PCDH7: variants seen among roughly 807,000 people sequenced by gnomAD.
PCDH7 encodes protocadherin 7, also known as protocadherin-7.
A neutral mutation model predicts 58.9 loss-of-function variants in PCDH7; 17 were observed. That is an observed-to-expected ratio of 0.29 (90% CI 0.20 to 0.43). The LOEUF (loss-of-function observed/expected upper bound fraction) is 0.43. Among genes scored for constraint, PCDH7 ranks in the 20% least tolerant of loss-of-function variants. The probability of loss-of-function intolerance (pLI) is 1.00; values close to 1 mark genes in which losing one functional copy is unlikely to be tolerated. For synonymous variants in PCDH7, 664 were observed against 616.4 expected (o/e 1.08, Z -1.14); for missense variants, 1,274 against 1,441.0 (o/e 0.88, Z 1.88).
chr4:30,723,220 G>A lies in PCDH7; in HGVS notation c.1798G>A (p.Glu600Lys), dbSNP rs1392070517. The A allele has an allele frequency of 6.2e-7, 1 of 1,614,212 alleles. No individual in the cohort carries two copies. Among genetic ancestry groups the A allele is most frequent in the Admixed American group, 1.7e-5 (1 of 60,032 alleles). Residue 600 changes from glutamate (E) to lysine (K), a missense_variant, in exon 1 of 2, where the codon GAG (glutamate) becomes AAG (lysine). Physicochemically the swap from Glu to Lys is moderately conservative, Grantham distance 56. Around this residue, in one of 3 missense-constraint regions of PCDH7, gnomAD observed 731 missense variants for 881.9 expected, o/e 0.83. Coordinates refer to ENST00000361762, the Ensembl canonical transcript of PCDH7. This position sits in a 1 kb window ranked among gnomAD's most constrained non-coding sequence, Gnocchi z 4.6. ...CCTGGTCAATACCGTGCTGGACCGC[G>A]AGCAGACTGACAGGTATGAGTTTAA...
chr4:30,829,477 A>C (rs996432448), intron 1 of PCDH7, among the ~76,000 whole-genome samples: 3 of 152,024 alleles, frequency 2.0e-5, no homozygotes, highest in Non-Finnish European at 4.4e-5. Context: ...GCTGGAGGGA[A>C]AATCTCTGTT....
At chr4:31,024,338 C>A (rs886147929) in intron 3 of PCDH7, among the ~76,000 whole-genome samples, 3 of 152,076 alleles carry the variant, frequency 2.0e-5, no homozygotes, top group Non-Finnish European at 4.4e-5. Context: ...ATACTAATAT[C>A]TGCTTAATAG....
intron 1 of PCDH7, among the ~76,000 whole-genome samples, chr4:30,850,127 G>A (rs905173899): frequency 2.6e-5 from 4 of 151,746 alleles, no homozygotes; most frequent in South Asian, 4.2e-4. Context: ...TTATATATTC[G>A]TATTTTATTA....
intron 3 of PCDH7, among the ~76,000 whole-genome samples, chr4:31,086,980 TC>T (rs1712519745): frequency 6.6e-6 from 1 of 152,124 alleles, no homozygotes; most frequent in South Asian, 2.1e-4. Flanking sequence ...TAGATACATT[TC>T]CCCAAACAGC....
intron 1 of PCDH7, among the ~76,000 whole-genome samples, chr4:30,822,381 C>A (rs1728483230): frequency 6.6e-6 from 1 of 152,112 alleles, no homozygotes; most frequent in Admixed American, 6.6e-5. Context: ...ATCCAGAGAC[C>A]TTTTCTCATT....
intron 1 of PCDH7, among the ~76,000 whole-genome samples, chr4:30,807,357 C>T (rs1413835819): frequency 6.6e-6 from 1 of 152,114 alleles, no homozygotes; most frequent in African/African-American, 2.4e-5. Flanking sequence ...TAGAGCACAG[C>T]AATGCAAAAC....
At chr4:30,924,763 A>G (rs575215437) in intron 2 of PCDH7, among the ~76,000 whole-genome samples, 7 of 152,074 alleles carry the variant, frequency 4.6e-5, no homozygotes, top group Non-Finnish European at 8.8e-5. Context: ...TCACAATAGA[A>G]TAAGCACATG....
intron 3 of PCDH7, among the ~76,000 whole-genome samples, chr4:30,961,332 C>G (rs139182651): frequency 0.013 from 2,021 of 151,510 alleles, 47 homozygotes; most frequent in African/African-American, 0.047. Flanking sequence ...ATCATGAAGT[C>G]AGGACATCAA....
chr4:30,952,193 T>A (rs1278095633), intron 3 of PCDH7, among the ~76,000 whole-genome samples: 1 of 151,974 alleles, frequency 6.6e-6, no homozygotes, highest in African/African-American at 2.4e-5. Context: ...AATAATTTCA[T>A]CCCCAGAAAA....
intron 3 of PCDH7, among the ~76,000 whole-genome samples, chr4:30,963,142 A>C (rs1748630123): frequency 6.6e-6 from 1 of 152,234 alleles, no homozygotes; most frequent in Non-Finnish European, 1.5e-5. Context: ...AATCAGGAAG[A>C]TGTGATAAGG....
At chr4:31,005,618 T>C (rs1425203941) in intron 3 of PCDH7, among the ~76,000 whole-genome samples, 1 of 152,170 alleles carries the variant, frequency 6.6e-6, no homozygotes, top group Non-Finnish European at 1.5e-5. Context: ...TCCCTGTGCT[T>C]GTTAACATTA....
At chr4:30,794,994 A>G (rs1351220524) in intron 1 of PCDH7, among the ~76,000 whole-genome samples, 1 of 152,158 alleles carries the variant, frequency 6.6e-6, no homozygotes, top group Admixed American at 6.6e-5. Context: ...TATTTAAATT[A>G]CTATTTTTCC....
intron 2 of PCDH7, among the ~76,000 whole-genome samples, chr4:30,922,204 T>C (rs1482797982): frequency 6.6e-6 from 1 of 151,640 alleles, no homozygotes; most frequent in African/African-American, 2.4e-5. Flanking sequence ...AATTACAGTA[T>C]TTTTAATATA....
rs1362536532 is a variant in PCDH7 at position 31,039,646 on chromosome 4, A to T, written c.*7+89431A>T. Among the ~76,000 whole-genome samples, 3 of 152,230 alleles carry T rather than the reference A, an allele frequency of 2.0e-5. No individual in the cohort carries two copies. In the East Asian group the frequency reaches 5.8e-4, roughly 29 times the overall value. On this transcript the variant is annotated intron_variant, in intron 3 of 3. Coordinates refer to the PCDH7 transcript ENST00000509759. ...CCACTGCTGACTAACCCCTATTCTG[A>T]TCTCTGGAACAATATAAGAGAATTC...
intron 3 of PCDH7, among the ~76,000 whole-genome samples, chr4:31,071,417 G>A (rs1758531932): frequency 6.6e-6 from 1 of 151,970 alleles, no homozygotes; most frequent in Non-Finnish European, 1.5e-5. Flanking sequence ...TGGTTGAAAT[G>A]TTGTGTGCTT....
At chr4:30,731,181 A>T (rs1415897923) in exon 2 of PCDH7, 3 of 983,776 alleles carry the variant, frequency 3.0e-6, no homozygotes, top group Non-Finnish European at 3.6e-6. Context: ...TAATACATTA[A>T]ATACTGATTT....
At chr4:30,731,021 G>GAGTCA in exon 2 of PCDH7, 1 of 1,203,918 alleles carries the variant, frequency 8.3e-7, no homozygotes, top group South Asian at 4.0e-5. Flanking sequence ...ATGGATGTCT[G>GAGTCA]AGTCACCAGA....
chr4:30,982,861 T>C (rs1349936005), intron 3 of PCDH7, among the ~76,000 whole-genome samples: 3 of 152,080 alleles, frequency 2.0e-5, no homozygotes, highest in Non-Finnish European at 2.9e-5. Flanking sequence ...TACTGCAGAG[T>C]TGGGGAGGAA....
chr4:31,093,249 A>C (rs986851071), intron 3 of PCDH7, among the ~76,000 whole-genome samples: 1 of 152,164 alleles, frequency 6.6e-6, no homozygotes, highest in African/African-American at 2.4e-5. Context: ...AATAGCAAGA[A>C]CATCCATTTT....
Sources: allele counts gnomAD v4.1 joint callset (sites outside exome capture counted in the v4.1 genomes callset), GRCh38; gene constraint gnomAD v4.1.1; regional missense constraint gnomAD v4.1.1; non-coding constraint Gnocchi (gnomAD v3.1); transcripts MANE v1.5; gene names NCBI Gene and HGNC (gene_info 2026-07-23, HGNC 2026-07-21).